ITGA11: variants seen among roughly 807,000 people sequenced by gnomAD.
ITGA11 encodes the protein integrin subunit alpha 11.
A neutral mutation model predicts 141.9 loss-of-function variants in ITGA11; 97 were observed. The observed-to-expected ratio is 0.68, with a 90% CI of 0.58 to 0.81. The LOEUF is 0.81. Among genes scored for constraint, ITGA11 ranks in the 30% least tolerant of loss-of-function variants. The pLI, the probability that ITGA11 is intolerant of heterozygous loss-of-function variation, is 0.00. For synonymous variants in ITGA11, 658 were observed against 624.6 expected (o/e 1.05, Z -0.80); for missense variants, 1,387 against 1,559.2 (o/e 0.89, Z 1.86).
chr15:68,426,338 C>T (rs754326067), intron 1 of ITGA11, among the ~76,000 whole-genome samples: 7 of 152,196 alleles, frequency 4.6e-5, no homozygotes, highest in Non-Finnish European at 1.0e-4. Flanking sequence ...GCGGGGCAGA[C>T]AGGAGAAGAT....
intron 1 of ITGA11, among the ~76,000 whole-genome samples, chr15:68,425,293 G>T (rs902251051): frequency 6.6e-6 from 1 of 152,254 alleles, no homozygotes; most frequent in Non-Finnish European, 1.5e-5. Context: ...TGAATGCCCT[G>T]CTGTGGCCAT....
At chr15:68,374,132 A>G (rs1231304985) in intron 2 of ITGA11, among the ~76,000 whole-genome samples, 1 of 152,358 alleles carries the variant, frequency 6.6e-6, no homozygotes, top group East Asian at 1.9e-4. Context: ...AGGGAGAAGC[A>G]GATTCATATC....
chr15:68,373,342 C>T (rs61352849), intron 2 of ITGA11, among the ~76,000 whole-genome samples: 1,618 of 152,332 alleles, frequency 0.011, 32 homozygotes, highest in African/African-American at 0.037. Context: ...CCAACCTAAC[C>T]TTCTGTGTGA....
At chr15:68,351,742 G>C (rs1223541029) in intron 7 of ITGA11, among the ~76,000 whole-genome samples, 1 of 151,912 alleles carries the variant, frequency 6.6e-6, no homozygotes, top group African/African-American at 2.4e-5. Flanking sequence ...CATTAAGTCA[G>C]TGGTTCACAA....
intron 1 of ITGA11, among the ~76,000 whole-genome samples, chr15:68,429,302 C>T (rs1897216218): frequency 6.6e-6 from 1 of 152,220 alleles, no homozygotes; most frequent in Non-Finnish European, 1.5e-5. Context: ...CCAGGGCCTC[C>T]ACCCTTACGC....
intron 2 of ITGA11, among the ~76,000 whole-genome samples, chr15:68,400,116 A>G (rs1896429840): frequency 1.3e-5 from 2 of 152,174 alleles, no homozygotes. Flanking sequence ...AGGCCCATAT[A>G]TCTATGGTCA....
intron 1 of ITGA11, among the ~76,000 whole-genome samples, chr15:68,404,016 C>G (rs913954899): frequency 6.6e-5 from 10 of 152,278 alleles, no homozygotes; most frequent in African/African-American, 1.9e-4. Flanking sequence ...ACTCCCGATT[C>G]TACCAGGGAG....
At chr15:68,398,804 T>C (rs566324281) in intron 2 of ITGA11, among the ~76,000 whole-genome samples, 210 of 129,996 alleles carry the variant, frequency 1.6e-3, no homozygotes, top group African/African-American at 5.6e-3. Flanking sequence ...GAAATAAGAA[T>C]AGTTTATTTT....
rs1897277187 is a variant in ITGA11, at chr15:68,431,881, C to A, written c.52+134G>T. 5.4e-6 allele frequency: 3 copies of A among 552,520 alleles called. No homozygotes were observed. In the South Asian group the frequency reaches 2.5e-4, roughly 46 times the overall value. 34.2% of individuals were successfully genotyped at this position (552,520 alleles called of 1,614,324 possible). A position where few individuals can be genotyped will look rare whatever the true frequency, so the allele number is the denominator to read the frequency against. On this transcript the variant is annotated intron_variant, in intron 1 of 29. Transcript: ENST00000315757. ...TAGACTGGGGCCAGTCCCTGGGGGA[C>A]CCACGTCCCCAAGAGCAGCTGAGGT...
chr15:68,345,983 T>A (rs1894732212), intron 10 of ITGA11, among the ~76,000 whole-genome samples: 1 of 152,252 alleles, frequency 6.6e-6, no homozygotes. Context: ...TTTTTGTTTT[T>A]GTTTTTAATA....
intron 2 of ITGA11, among the ~76,000 whole-genome samples, chr15:68,384,264 TAA>T (rs61654399): frequency 1.8e-4 from 24 of 132,594 alleles, no homozygotes; most frequent in Admixed American, 2.3e-4. Context: ...GGTTTGGCAT[TAA>T]AAAAAAAAAA....
chr15:68,315,834 TG>T (rs1253683073), intron 21 of ITGA11, 107 bp from the exon 22 acceptor site: 4 of 867,596 alleles, frequency 4.6e-6, no homozygotes, highest in Non-Finnish European at 7.1e-6. Flanking sequence ...GGGAGCTTGC[TG>T]GGGGTTGGGG....
intron 24 of ITGA11, among the ~76,000 whole-genome samples, chr15:68,311,986 C>T (rs1011884170): frequency 4.6e-5 from 7 of 152,176 alleles, no homozygotes. Context: ...CTAGGCCTCT[C>T]TTGAACAAGC....
At position 68,364,759 on chromosome 15, in the gene ITGA11, T is replaced by G. The variant is rs1567145665; in HGVS notation, c.305A>C (p.Asn102Thr). ...TLSNVSERKD[N>T]MRLGLSLATN... The stretch of plus-strand genomic sequence containing the variant: ...GGCGAGACTAAGGCCGAGGCGCATG[T>G]TGTCTTTCCGCTCGGACACGTTGGA... The change falls in exon 4 of 30, where the codon AAC (asparagine) becomes ACC (threonine). Residue 102 changes from asparagine to threonine, a missense_variant. Physicochemically the swap from Asn to Thr is moderately conservative, Grantham distance 65. Transcript: ENST00000315757. 6.2e-7 allele frequency: 1 copy of G among 1,612,884 alleles called. No individual in the cohort carries two copies. The highest frequency in any genetic ancestry group is 8.5e-7 in the Non-Finnish European group (1 of 1,179,274).
At position 68,329,031 on chromosome 15, in the gene ITGA11, T is replaced by C. The variant is rs182813034; in HGVS notation, c.1902-769A>G. 3.9e-5 allele frequency among the ~76,000 whole-genome samples: 6 copies of C among 152,204 alleles called. No individual in the cohort carries two copies. In the East Asian group the frequency reaches 1.2e-3, roughly 29 times the overall value. Reference sequence around the variant, plus strand: ...TATATAAAAAGAAATAGAAGTAGAGTGGCTTAGAGGTTTCATAGCTTCAAC... The same window carrying C: ...TATATAAAAAGAAATAGAAGTAGAGCGGCTTAGAGGTTTCATAGCTTCAAC... On this transcript the variant is annotated intron_variant, in intron 15 of 29. Transcript: ENST00000315757.
intron 1 of ITGA11, among the ~76,000 whole-genome samples, chr15:68,411,133 A>T (rs1156409301): frequency 6.6e-6 from 1 of 152,218 alleles, no homozygotes; most frequent in Non-Finnish European, 1.5e-5. Context: ...ATAGGATTAG[A>T]CATGTACACT....
intron 10 of ITGA11, chr15:68,340,989 C>T (rs574180032): frequency 6.6e-5 from 10 of 152,408 alleles, no homozygotes; most frequent in Admixed American, 1.3e-4. Flanking sequence ...AATCACCACT[C>T]TCTCCCACGG....
At chr15:68,340,839 A>G (rs1398772465) in intron 10 of ITGA11, 5 of 152,512 alleles carry the variant, frequency 3.3e-5, no homozygotes, top group African/African-American at 1.2e-4. Context: ...AAGAGGAAGG[A>G]AAATGACCAG....
intron 5 of ITGA11, among the ~76,000 whole-genome samples, chr15:68,359,738 A>G (rs889730429): frequency 2.6e-5 from 4 of 150,994 alleles, no homozygotes; most frequent in East Asian, 1.9e-4. Context: ...AATATTGGCC[A>G]TAACAAATAT....
Sources: allele counts gnomAD v4.1 joint callset (sites outside exome capture counted in the v4.1 genomes callset), GRCh38; gene constraint gnomAD v4.1.1; transcripts MANE v1.5; gene names NCBI Gene and HGNC (gene_info 2026-07-23, HGNC 2026-07-21).